TANC1: variants seen among roughly 807,000 people sequenced by gnomAD.
The protein encoded by TANC1 is protein TANC1.
In TANC1, 77 loss-of-function variants were observed where a neutral mutation model predicts 149.7. The ratio of observed to expected loss-of-function variants is 0.51; its 90% CI spans 0.43 to 0.62. The LOEUF (loss-of-function observed/expected upper bound fraction) is 0.62, where lower values mean the gene tolerates loss of function less well. Among genes scored for constraint, TANC1 ranks in the 20% least tolerant of loss-of-function variants. The pLI, the probability that TANC1 is intolerant of heterozygous loss-of-function variation, is 0.00. For synonymous variants in TANC1, 854 were observed against 925.0 expected, an observed-to-expected ratio of 0.92 and a Z score of 1.39; for missense variants, 1,985 against 2,321.8, an observed-to-expected ratio of 0.85 and a Z score of 2.98.
rs748664150 is a variant in TANC1, at chr2:159,175,057, C to T, written c.1608C>T (p.Ala536=). 75 of 1,614,074 alleles carry T rather than the reference C, an allele frequency of 4.6e-5. No individual in the cohort carries two copies. Among genetic ancestry groups the T allele is most frequent in the Admixed American group, 2.2e-4 (13 of 60,008 alleles). The stretch of plus-strand genomic sequence containing the variant: ...TGCTCTGCCGGTCCCATCAGCTGGC[C>T]GCCTACAGAGACCTTCTGATAAAGG... The part of the protein sequence containing the change: ...AALLCRSHQL[A]AYRDLLIKEP... Residue 536 remains alanine (A), a synonymous_variant, in exon 12 of 27, where the codon GCC becomes GCT. Transcript: ENST00000263635.
At chr2:159,100,713 G>A (rs1338717058) in intron 4 of TANC1, among the ~76,000 whole-genome samples, 2 of 152,100 alleles carry the variant, frequency 1.3e-5, no homozygotes, top group East Asian at 3.8e-4. Context: ...AATTTTAATT[G>A]GAAAAGTTTA....
chr2:159,206,156 C>T (rs564113765), intron 19 of TANC1, among the ~76,000 whole-genome samples: 1 of 152,212 alleles, frequency 6.6e-6, no homozygotes, highest in East Asian at 1.9e-4. Context: ...GAGGGACCAC[C>T]CAGGATCCTG....
At chr2:159,136,371 C>T in intron 5 of TANC1, 73 bp downstream of exon 5, 1 of 878,378 alleles carries the variant, frequency 1.1e-6, no homozygotes, top group East Asian at 2.4e-5. Context: ...CTGAATGAAA[C>T]TTGAGTGTCC....
chr2:159,156,031 A>G (rs369108812), intron 7 of TANC1, among the ~76,000 whole-genome samples: 66 of 152,276 alleles, frequency 4.3e-4, no homozygotes, highest in African/African-American at 1.5e-3. Flanking sequence ...AAGGGAGATA[A>G]TCAGATGCAG....
In TANC1 at chr2:159,136,063, T is replaced by TGTG. The variant is rs141297015; in HGVS notation, c.260-131_260-130insGTG. The stretch of plus-strand genomic sequence containing the variant: ...GTGTGTGTGTGTGCGCGCGCGCGCG[T>TGTG]TTAAGGGAGGGGAAGGCACTGGCTC... On this transcript the variant is annotated intron_variant, in intron 4 of 26. Coordinates refer to ENST00000263635, the MANE Select transcript of TANC1 (RefSeq NM_033394.3). The TGTG allele has an allele frequency of 6.4e-5, 34 of 534,838 alleles. 1 individual carries two copies. Among genetic ancestry groups the TGTG allele is most frequent in the East Asian group, 1.5e-4 (5 of 33,018 alleles). The allele number at this position is 534,838 out of a possible 1,614,324, so 33.1% of individuals were successfully genotyped here.
At chr2:159,139,083 G>C (rs914312328) in intron 5 of TANC1, among the ~76,000 whole-genome samples, 1 of 152,110 alleles carries the variant, frequency 6.6e-6, no homozygotes, top group Admixed American at 6.5e-5. Context: ...CTTAAAGCTT[G>C]CAAGCTGGGG....
At chr2:159,031,684 A>G (rs183821543) in intron 2 of TANC1, among the ~76,000 whole-genome samples, 6 of 152,306 alleles carry the variant, frequency 3.9e-5, no homozygotes, top group Non-Finnish European at 7.4e-5. Context: ...ATAAATCAGA[A>G]AGCTGAGCTT....
chr2:159,109,061 C>G (rs1308740661), intron 4 of TANC1, among the ~76,000 whole-genome samples: 1 of 152,210 alleles, frequency 6.6e-6, no homozygotes, highest in Non-Finnish European at 1.5e-5. Flanking sequence ...TTATTGGTCA[C>G]AGGTCCTGAG....
At chr2:159,025,177 T>G (rs1347820278) in intron 2 of TANC1, among the ~76,000 whole-genome samples, 1 of 145,508 alleles carries the variant, frequency 6.9e-6, no homozygotes, top group Non-Finnish European at 1.5e-5. Flanking sequence ...TTTCTTTCTT[T>G]CTTTTTCTTT....
intron 4 of TANC1, among the ~76,000 whole-genome samples, chr2:159,127,256 C>CA (rs2049549217): frequency 6.6e-6 from 1 of 152,194 alleles, no homozygotes; most frequent in African/African-American, 2.4e-5. Flanking sequence ...ATCAGAACCA[C>CA]AATGAGATAC....
At chr2:159,021,459 A>G (rs2038826858) in intron 2 of TANC1, among the ~76,000 whole-genome samples, 2 of 152,134 alleles carry the variant, frequency 1.3e-5, no homozygotes, top group South Asian at 4.1e-4. Flanking sequence ...TAGCTGGGCA[A>G]GGTGGCATGC....
intron 14 of TANC1, among the ~76,000 whole-genome samples, chr2:159,181,502 T>C (rs1409324112): frequency 6.6e-6 from 1 of 152,240 alleles, no homozygotes; most frequent in Non-Finnish European, 1.5e-5. Flanking sequence ...TTTCACCGTG[T>C]TAGCCAGGAT....
At chr2:159,020,358 C>T (rs1200850797) in intron 2 of TANC1, among the ~76,000 whole-genome samples, 2 of 152,172 alleles carry the variant, frequency 1.3e-5, no homozygotes, top group African/African-American at 4.8e-5. Flanking sequence ...AAGTAATCCA[C>T]CTGCCTTGGC....
At chr2:159,129,206 T>C (rs536355202) in intron 4 of TANC1, among the ~76,000 whole-genome samples, 1 of 152,228 alleles carries the variant, frequency 6.6e-6, no homozygotes, top group Non-Finnish European at 1.5e-5. Flanking sequence ...TATATAATTA[T>C]CTTTAACCGA....
intron 2 of TANC1, among the ~76,000 whole-genome samples, chr2:159,047,475 G>T (rs1234219850): frequency 6.6e-6 from 1 of 151,942 alleles, no homozygotes; most frequent in Non-Finnish European, 1.5e-5. Flanking sequence ...AATTCAAGCT[G>T]GGAACTACTT....
At chr2:159,151,428 T>A (rs2150325492) in intron 7 of TANC1, among the ~76,000 whole-genome samples, 1 of 152,360 alleles carries the variant, frequency 6.6e-6, no homozygotes, top group South Asian at 2.1e-4. Context: ...CAAGATTATA[T>A]TGCAGTTTCA....
intron 2 of TANC1, among the ~76,000 whole-genome samples, chr2:159,025,178 C>T (rs974862294): frequency 1.4e-4 from 14 of 100,720 alleles, no homozygotes; most frequent in African/African-American, 4.7e-4. Flanking sequence ...TTCTTTCTTT[C>T]TTTTTCTTTC....
chr2:159,077,356 G>A (rs1401985929), intron 3 of TANC1, among the ~76,000 whole-genome samples: 3 of 152,130 alleles, frequency 2.0e-5, no homozygotes, highest in Non-Finnish European at 1.5e-5. Context: ...CTCCATAAAT[G>A]TAATAGTGTA....
intron 4 of TANC1, among the ~76,000 whole-genome samples, chr2:159,107,238 G>C (rs1241829060): frequency 6.6e-6 from 1 of 152,006 alleles, no homozygotes; most frequent in African/African-American, 2.4e-5. Flanking sequence ...TGTTTGCCAG[G>C]CTGGTCTCGA....
Sources: allele counts gnomAD v4.1 joint callset (sites outside exome capture counted in the v4.1 genomes callset), GRCh38; gene constraint gnomAD v4.1.1; transcripts MANE v1.5; gene names NCBI Gene and HGNC (gene_info 2026-07-23, HGNC 2026-07-21).